Variants in ADAMTS17 observed in about 807,000 individuals in gnomAD.
ADAMTS17 encodes the protein A disintegrin and metalloproteinase with thrombospondin motifs 17.
A neutral mutation model predicts 141.5 loss-of-function variants in ADAMTS17; 113 were observed. That is an observed-to-expected ratio of 0.80 (90% CI 0.69 to 0.93). The LOEUF (loss-of-function observed/expected upper bound fraction) is 0.93, where lower values mean the gene tolerates loss of function less well. ADAMTS17 is among the 40% of genes least tolerant of loss of function. The probability of loss-of-function intolerance (pLI) is 0.00; values close to 1 mark genes in which losing one functional copy is unlikely to be tolerated. For synonymous variants in ADAMTS17, 768 were observed against 630.6 expected (o/e 1.22, Z -3.27); for missense variants, 1,659 against 1,517.9 (o/e 1.09, Z -1.54).
chr15:100,037,201 C>G (rs1214310647), intron 18 of ADAMTS17, among the ~76,000 whole-genome samples: 1 of 152,226 alleles, frequency 6.6e-6, no homozygotes, highest in African/African-American at 2.4e-5. Context: ...GACTTCTCGA[C>G]ATCCTCATCA....
chr15:100,266,314 C>T (rs962872001), intron 4 of ADAMTS17, among the ~76,000 whole-genome samples: 1 of 152,220 alleles, frequency 6.6e-6, no homozygotes, highest in Non-Finnish European at 1.5e-5. Flanking sequence ...AAAACCAGCA[C>T]AGCACATCTG....
chr15:100,171,398 C>G (rs60288004), intron 8 of ADAMTS17, among the ~76,000 whole-genome samples: 8,315 of 152,246 alleles, frequency 0.055, 433 homozygotes, highest in East Asian at 0.2. Context: ...AGGAGTGCAT[C>G]CTCCTCCATC....
intron 3 of ADAMTS17, among the ~76,000 whole-genome samples, chr15:100,296,505 G>T (rs76619999): frequency 0.023 from 3,431 of 152,070 alleles, 131 homozygotes; most frequent in African/African-American, 0.079. Context: ...TTTTATAAAA[G>T]GCATCTTTTT....
chr15:100,299,611 A>C (rs923911232), intron 3 of ADAMTS17, among the ~76,000 whole-genome samples: 2 of 152,144 alleles, frequency 1.3e-5, no homozygotes, highest in African/African-American at 2.4e-5. Flanking sequence ...GGGCAAACAA[A>C]AGCCTGAAAA....
At chr15:100,133,415 G>C in intron 10 of ADAMTS17, 100 bp from the exon 11 acceptor site, 1 of 1,164,080 alleles carries the variant, frequency 8.6e-7, no homozygotes, top group South Asian at 1.3e-5. Context: ...TCAAATTTGG[G>C]ATTCGAAACG....
At chr15:100,277,137 C>A (rs2044125425) in intron 4 of ADAMTS17, among the ~76,000 whole-genome samples, 1 of 152,104 alleles carries the variant, frequency 6.6e-6, no homozygotes, top group Non-Finnish European at 1.5e-5. Context: ...TCGCACCCAG[C>A]CCTTCTCACA....
At chr15:100,033,683 G>T (rs1211450789) in intron 18 of ADAMTS17, among the ~76,000 whole-genome samples, 2 of 152,222 alleles carry the variant, frequency 1.3e-5, no homozygotes, top group Admixed American at 6.5e-5. Context: ...GCAGGAACCT[G>T]GGTTCTGAGC....
chr15:100,135,931 C>T (rs1263816646), intron 10 of ADAMTS17, among the ~76,000 whole-genome samples: 2 of 152,188 alleles, frequency 1.3e-5, no homozygotes, highest in Non-Finnish European at 2.9e-5. Context: ...GAGAGCACCG[C>T]TCATTGGGAA....
intron 15 of ADAMTS17, among the ~76,000 whole-genome samples, chr15:100,057,018 C>T (rs958654722): frequency 5.3e-5 from 8 of 152,020 alleles, no homozygotes; most frequent in Admixed American, 2.0e-4. Context: ...GAGGAGACAA[C>T]GCCACCCGCA....
At chr15:100,094,317 G>C (rs957231577) in intron 15 of ADAMTS17, among the ~76,000 whole-genome samples, 2 of 152,262 alleles carry the variant, frequency 1.3e-5, no homozygotes, top group African/African-American at 4.8e-5. Context: ...GGGACTCACT[G>C]TCATGGCCAC....
chr15:100,169,349 G>A (rs573586160), intron 8 of ADAMTS17, among the ~76,000 whole-genome samples: 1 of 152,280 alleles, frequency 6.6e-6, no homozygotes, highest in Admixed American at 6.5e-5. Context: ...GCTGAGAGTG[G>A]GAACAATATT....
At chr15:100,052,416 A>G (rs1339087225) in intron 16 of ADAMTS17, among the ~76,000 whole-genome samples, 1 of 152,228 alleles carries the variant, frequency 6.6e-6, no homozygotes, top group East Asian at 1.9e-4. Flanking sequence ...AAAAGCCATC[A>G]ATATTAAGCG....
At chr15:100,181,653 G>A (rs2040528754) in intron 8 of ADAMTS17, among the ~76,000 whole-genome samples, 1 of 152,228 alleles carries the variant, frequency 6.6e-6, no homozygotes, top group Admixed American at 6.5e-5. Flanking sequence ...AACCTGGCTG[G>A]TGCCCTATCT....
chr15:100,052,891 C>T (rs1040008135), intron 16 of ADAMTS17, among the ~76,000 whole-genome samples: 6 of 152,224 alleles, frequency 3.9e-5, no homozygotes, highest in Non-Finnish European at 7.3e-5. Context: ...GAAATTTTAA[C>T]GGGGTTAACA....
chr15:100,101,799 A>G (rs912830696), intron 14 of ADAMTS17, among the ~76,000 whole-genome samples: 9 of 152,218 alleles, frequency 5.9e-5, no homozygotes, highest in Admixed American at 5.9e-4. Flanking sequence ...AATAAGCAGT[A>G]CTTGCTTTCT....
chr15:100,073,474 T>G (rs1417593692), intron 15 of ADAMTS17, among the ~76,000 whole-genome samples: 1 of 152,012 alleles, frequency 6.6e-6, no homozygotes, highest in Admixed American at 6.6e-5. Flanking sequence ...GTATGTTTAT[T>G]GCGGCACTAT....
At chr15:100,261,356 C>T in intron 6 of ADAMTS17, 123 bp downstream of exon 6, 3 of 1,389,332 alleles carry the variant, frequency 2.2e-6, no homozygotes, top group Non-Finnish European at 3.0e-6. Flanking sequence ...GAAACCAAAA[C>T]CCAGACAGGT....
At chr15:100,074,602 T>C (rs2034234176) in intron 15 of ADAMTS17, among the ~76,000 whole-genome samples, 1 of 151,780 alleles carries the variant, frequency 6.6e-6, no homozygotes, top group Non-Finnish European at 1.5e-5. Context: ...CATATTATTT[T>C]AATATGCTGC....
chr15:100,264,903 G>A (rs12915884), intron 4 of ADAMTS17, among the ~76,000 whole-genome samples: 5,996 of 152,230 alleles, frequency 0.039, 201 homozygotes, highest in African/African-American at 0.079. Flanking sequence ...ACAGCAATGC[G>A]AACCTAAGAA....
Sources: gnomAD v4.1 joint callset for allele counts (sites outside exome capture counted in the v4.1 genomes callset) on GRCh38, gnomAD v4.1.1 for gene constraint, MANE v1.5 for transcripts, NCBI Gene and HGNC (gene_info 2026-07-23, HGNC 2026-07-21) for gene names.